The following CNGB1 variants were observed in gnomAD, a reference collection of about 807,000 sequenced individuals.
The protein encoded by CNGB1 is cyclic nucleotide-gated channel beta-1.
Under a neutral mutation model 151.7 loss-of-function variants are expected in CNGB1, and 126 were observed. That is an observed-to-expected ratio of 0.83 (90% CI 0.72 to 0.96). The LOEUF is 0.96. CNGB1 is among the 40% of genes least tolerant of loss of function. The pLI is 0.00. For missense variants in CNGB1, 1,698 were observed against 1,627.0 expected, an observed-to-expected ratio of 1.04 and a Z score of -0.75; for synonymous variants, 623 against 635.1, an observed-to-expected ratio of 0.98 and a Z score of 0.29.
chr16:57,950,574 T>C (rs1597005776), intron 12 of CNGB1, 34 bp from the exon 13 acceptor site: 1 of 1,613,102 alleles, frequency 6.2e-7, no homozygotes, highest in Middle Eastern at 1.7e-4. Context: ...ATTTATGGGA[T>C]GTGCGGGAGA....
chr16:57,903,748 G>A lies in CNGB1; in HGVS notation c.2794+74C>T, dbSNP rs528990138. On this transcript the variant is annotated intron_variant, in intron 27 of 32. Coordinates refer to ENST00000251102, the MANE Select transcript of CNGB1 (RefSeq NM_001297.5). Reference sequence around the variant, plus strand: ...ACACAGAGGACGAGGGAGGCGCCCCGAAGGCATGGCACCGGGCACCAGGCG... The same window carrying A: ...ACACAGAGGACGAGGGAGGCGCCCCAAAGGCATGGCACCGGGCACCAGGCG... 1.8e-5 allele frequency: 29 copies of A among 1,571,956 alleles called. No homozygotes were observed. The East Asian group carries it at 5.2e-4, about 28-fold the overall frequency.
At chr16:57,890,909 G>GC (rs1287973083) in intron 31 of CNGB1, among the ~76,000 whole-genome samples, 8 of 152,162 alleles carry the variant, frequency 5.3e-5, no homozygotes, top group East Asian at 1.9e-4. Flanking sequence ...CCATTCCCAC[G>GC]CCCCCCCATG....
intron 8 of CNGB1, 100 bp from the exon 9 acceptor site, chr16:57,960,630 C>T (rs1369969637): frequency 1.5e-5 from 23 of 1,493,520 alleles, no homozygotes; most frequent in East Asian, 2.4e-5. Flanking sequence ...GCGGGTGAGC[C>T]GGGGATGGGG....
intron 14 of CNGB1, among the ~76,000 whole-genome samples, chr16:57,948,834 T>A (rs1961872602): frequency 6.6e-6 from 1 of 152,162 alleles, no homozygotes; most frequent in Admixed American, 6.5e-5. Context: ...CTTCTGTGTG[T>A]TTAACATTGA....
At chr16:57,900,829 G>A (rs1960363703) in intron 29 of CNGB1, among the ~76,000 whole-genome samples, 1 of 151,960 alleles carries the variant, frequency 6.6e-6, no homozygotes, top group African/African-American at 2.4e-5. Flanking sequence ...TTTAAAGGTT[G>A]GGGACCAATT....
At chr16:57,948,863 G>A (rs1218861213) in intron 14 of CNGB1, among the ~76,000 whole-genome samples, 1 of 152,164 alleles carries the variant, frequency 6.6e-6, no homozygotes, top group Non-Finnish European at 1.5e-5. Context: ...GATGTGGGTG[G>A]ACGATCGACC....
At position 57,897,881 on chromosome 16, in the gene CNGB1, C is replaced by A. The variant is rs1064794335; in HGVS notation, c.3010G>T (p.Ala1004Ser). The A allele has an allele frequency of 6.2e-7, 1 of 1,614,238 alleles. No individual in the cohort carries two copies. Among genetic ancestry groups the A allele is most frequent in the South Asian group, 1.1e-5 (1 of 91,086 alleles). ...EIGREMYIIQ[A>S]GQVQVLGGPD... ...CCGCCCAAGACCTGCACTTGCCCTG[C>A]CTGGATGATGTACATCTCACGGCCG... The change falls in exon 30 of 33, where the codon GCA (alanine) becomes TCA (serine). Residue 1004 changes from alanine to serine, a missense_variant. By Grantham distance (99) the Ala-to-Ser change is moderately conservative. Coordinates refer to ENST00000251102, the MANE Select transcript of CNGB1 (RefSeq NM_001297.5).
In CNGB1 at chr16:57,920,374, G is replaced by C; in HGVS notation, c.1801+13C>G. On this transcript the variant is annotated intron_variant, in intron 19 of 32. Transcript: ENST00000251102. ...TCCCCATCCAGGTAGACCCCCTCCA[G>C]CTCCAGACTCACAGGGCTTGGGGCT... 1.9e-6 allele frequency: 3 copies of C among 1,613,970 alleles called. No individual in the cohort carries two copies. Among genetic ancestry groups the C allele is most frequent in the Middle Eastern group, 3.3e-4 (2 of 6,062 alleles).
intron 32 of CNGB1, among the ~76,000 whole-genome samples, chr16:57,887,325 CCTA>C: frequency 6.6e-6 from 1 of 152,260 alleles, no homozygotes; most frequent in East Asian, 1.9e-4. Flanking sequence ...CTGCTCCCAG[CCTA>C]CTCTCAGTCC....
chr16:57,908,421 G>A (rs1259403824), intron 25 of CNGB1, among the ~76,000 whole-genome samples: 2 of 152,254 alleles, frequency 1.3e-5, no homozygotes, highest in Non-Finnish European at 2.9e-5. Context: ...TGTCACTAGT[G>A]GGCACAGCCC....
intron 7 of CNGB1, 102 bp downstream of exon 7, chr16:57,962,463 G>T: frequency 9.6e-7 from 1 of 1,042,264 alleles, no homozygotes; most frequent in Non-Finnish European, 1.5e-6. Context: ...CATGTCCAAG[G>T]TCACACCCTG....
rs368819628 is a variant in CNGB1 at position 57,962,558 on chromosome 16, G to A, written c.458+7C>T. On this transcript the variant is annotated splice_region_variant and intron_variant, in intron 7 of 32. Coordinates refer to ENST00000251102, the MANE Select transcript of CNGB1 (RefSeq NM_001297.5). ...GACAACAGTGACACTCAGGGATAGG[G>A]ACTCACCTAGTGTCTTGGGCCTCAA... is the stretch of plus-strand genomic sequence containing the variant. 2.7e-4 allele frequency: 438 copies of A among 1,612,600 alleles called. 3 individuals are homozygous for A. The South Asian group carries it at 3.4e-3, about 13-fold the overall frequency.
At chr16:57,968,506 A>G (rs1567401948) in intron 1 of CNGB1, among the ~76,000 whole-genome samples, 1 of 152,108 alleles carries the variant, frequency 6.6e-6, no homozygotes, top group Non-Finnish European at 1.5e-5. Flanking sequence ...CAAAAATAAT[A>G]ATAATAATAA....
chr16:57,888,035 C>T lies in CNGB1; in HGVS notation c.3282G>A (p.Lys1094=), dbSNP rs1048461431. Residue 1094 remains lysine, a synonymous_variant, in exon 32 of 33, where the codon AAG becomes AAA. Coordinates refer to ENST00000251102, the MANE Select transcript of CNGB1 (RefSeq NM_001297.5). The part of the protein sequence containing the change: ...LRSNNKPKEE[K]SVLILPPRAG... ...CCCGGGGTGGAAGGATCAGCACGCT[C>T]TTCTCCTCCTTGGGCTTATTGTTGC... The T allele has an allele frequency of 1.2e-6, 2 of 1,614,136 alleles. No individual in the cohort carries two copies. The highest frequency in any genetic ancestry group is 1.7e-5 in the Admixed American group (1 of 60,018).
At chr16:57,960,414 C>G in intron 9 of CNGB1, 68 bp downstream of exon 9, 1 of 1,560,168 alleles carries the variant, frequency 6.4e-7, no homozygotes, top group Non-Finnish European at 8.8e-7. Context: ...CCTCCAGGGC[C>G]CAGTTGATCC....
At chr16:57,947,221 C>T (rs1961832129) in intron 14 of CNGB1, among the ~76,000 whole-genome samples, 1 of 152,208 alleles carries the variant, frequency 6.6e-6, no homozygotes, top group South Asian at 2.1e-4. Context: ...TAGTACACAT[C>T]TGCACATGCA....
Position 57,897,888 on chromosome 16 carries a change from G to C in CNGB1, c.3003C>G (p.Ile1001Met). ...KKGEIGREMY[I>M]IQAGQVQVLG... ...AGACCTGCACTTGCCCTGCCTGGAT[G>C]ATGTACATCTCACGGCCGATCTCCC... Residue 1001 changes from isoleucine (I) to methionine (M), a missense_variant, in exon 30 of 33, where the codon ATC becomes ATG. Coordinates refer to ENST00000251102, the MANE Select transcript of CNGB1 (RefSeq NM_001297.5). The C allele has an allele frequency of 6.2e-7, 1 of 1,614,200 alleles. No homozygotes were observed. The highest frequency in any genetic ancestry group is 1.1e-5 in the South Asian group (1 of 91,088).
intron 8 of CNGB1, 91 bp from the exon 9 acceptor site, chr16:57,960,621 C>G: frequency 6.6e-7 from 1 of 1,523,708 alleles, no homozygotes; most frequent in Non-Finnish European, 9.0e-7. Flanking sequence ...TGGCCCAAGG[C>G]GGGTGAGCCG....
intron 11 of CNGB1, 79 bp downstream of exon 11, chr16:57,958,331 A>G: frequency 1.1e-6 from 1 of 911,824 alleles, no homozygotes; most frequent in Non-Finnish European, 1.5e-6. Flanking sequence ...CACAGGGCCA[A>G]CCATCCTCCT....
Sources: gnomAD v4.1 joint callset for allele counts (sites outside exome capture counted in the v4.1 genomes callset) on GRCh38, gnomAD v4.1.1 for gene constraint, MANE v1.5 for transcripts, NCBI Gene and HGNC (gene_info 2026-07-23, HGNC 2026-07-21) for gene names.